CACNB2: variants seen among roughly 807,000 people sequenced by gnomAD.
CACNB2 encodes the protein voltage-dependent L-type calcium channel subunit beta-2.
Under a neutral mutation model 73.3 loss-of-function variants are expected in CACNB2, and 42 were observed. The observed-to-expected ratio is 0.57, with a 90% CI of 0.45 to 0.74. CACNB2 has a LOEUF of 0.74. CACNB2 is among the 30% of genes least tolerant of loss of function. The probability of loss-of-function intolerance (pLI) is 0.00; values close to 1 mark genes in which losing one functional copy is unlikely to be tolerated. For missense variants in CACNB2, 940 were observed against 853.0 expected, an observed-to-expected ratio of 1.10 and a Z score of -1.27; for synonymous variants, 348 against 310.3, an observed-to-expected ratio of 1.12 and a Z score of -1.28.
intron 3 of CACNB2, among the ~76,000 whole-genome samples, chr10:18,446,556 G>A (rs539569126): frequency 1.3e-5 from 2 of 152,148 alleles, no homozygotes; most frequent in African/African-American, 4.8e-5. Flanking sequence ...GTGATAAAGG[G>A]AGTGCTTTCT....
chr10:18,388,753 C>T (rs115667991), intron 2 of CACNB2, among the ~76,000 whole-genome samples: 1 of 152,164 alleles, frequency 6.6e-6, no homozygotes, highest in Non-Finnish European at 1.5e-5. Flanking sequence ...CATTTCTATA[C>T]ATTATACACA....
At chr10:18,258,253 G>A (rs2037367917) in intron 2 of CACNB2, among the ~76,000 whole-genome samples, 1 of 152,186 alleles carries the variant, frequency 6.6e-6, no homozygotes, top group Admixed American at 6.5e-5. Flanking sequence ...CTCTCATATT[G>A]TGTATAAAAA....
At chr10:18,236,742 C>A (rs528031363) in intron 2 of CACNB2, among the ~76,000 whole-genome samples, 1 of 152,318 alleles carries the variant, frequency 6.6e-6, no homozygotes, top group South Asian at 2.1e-4. Context: ...CTGCCACTCC[C>A]TGAAGCCATC....
chr10:18,208,334 A>G (rs908230818), intron 2 of CACNB2, among the ~76,000 whole-genome samples: 21 of 152,256 alleles, frequency 1.4e-4, no homozygotes, highest in African/African-American at 4.8e-4. Flanking sequence ...TAATTAGTGG[A>G]ATGTAGTGAT....
chr10:18,494,719 A>G (rs1047089128), intron 3 of CACNB2, among the ~76,000 whole-genome samples: 2 of 150,852 alleles, frequency 1.3e-5, no homozygotes, highest in African/African-American at 2.4e-5. Flanking sequence ...TCTTGGATCT[A>G]TACTTTTGTG....
chr10:18,175,073 C>T (rs1242784070), intron 2 of CACNB2, among the ~76,000 whole-genome samples: 6 of 152,108 alleles, frequency 3.9e-5, no homozygotes, highest in Admixed American at 6.6e-5. Context: ...ATGTGGCTGA[C>T]GAGAATTGAC....
At chr10:18,332,243 AGCTGGGGATATT>A (rs1292331593) in intron 2 of CACNB2, among the ~76,000 whole-genome samples, 1 of 152,160 alleles carries the variant, frequency 6.6e-6, no homozygotes, top group Non-Finnish European at 1.5e-5. Flanking sequence ...CCAAGAGATG[AGCTGGGGATATT>A]GCTAAAGGGA....
intron 2 of CACNB2, among the ~76,000 whole-genome samples, chr10:18,392,203 G>T (rs1420468080): frequency 2.0e-5 from 3 of 152,152 alleles, no homozygotes. Context: ...AGGTGGCAGG[G>T]AGAGGGTGTA....
intron 2 of CACNB2, among the ~76,000 whole-genome samples, chr10:18,207,039 C>G (rs1286321156): frequency 6.6e-6 from 1 of 152,138 alleles, no homozygotes; most frequent in Non-Finnish European, 1.5e-5. Flanking sequence ...GACAGAGTCT[C>G]ACTCTGTCAC....
At chr10:18,187,781 A>G (rs964618624) in intron 2 of CACNB2, among the ~76,000 whole-genome samples, 2 of 152,198 alleles carry the variant, frequency 1.3e-5, no homozygotes, top group Non-Finnish European at 2.9e-5. Context: ...TGTTTTCGAT[A>G]TGACACGCTC....
chr10:18,375,079 G>A (rs2042739796), intron 2 of CACNB2, among the ~76,000 whole-genome samples: 1 of 152,132 alleles, frequency 6.6e-6, no homozygotes, highest in Admixed American at 6.5e-5. Context: ...TTAGCCAAGA[G>A]TGGTGGCACA....
At chr10:18,452,433 A>G (rs1163599870) in intron 3 of CACNB2, among the ~76,000 whole-genome samples, 1 of 152,232 alleles carries the variant, frequency 6.6e-6, no homozygotes, top group Non-Finnish European at 1.5e-5. Context: ...GTCTCAAATA[A>G]TAATAAGTAG....
At chr10:18,339,898 G>C (rs1483351388) in intron 2 of CACNB2, among the ~76,000 whole-genome samples, 2 of 152,126 alleles carry the variant, frequency 1.3e-5, no homozygotes, top group Admixed American at 1.3e-4. Context: ...GTGGGCCATA[G>C]CTTGCCATCC....
chr10:18,347,798 T>G (rs1201819943), intron 2 of CACNB2, among the ~76,000 whole-genome samples: 1 of 152,196 alleles, frequency 6.6e-6, no homozygotes, highest in Non-Finnish European at 1.5e-5. Flanking sequence ...GAGCCTGAGA[T>G]CCTTTCTGTT....
chr10:18,178,128 C>T (rs899900751), intron 2 of CACNB2, among the ~76,000 whole-genome samples: 6 of 152,082 alleles, frequency 3.9e-5, no homozygotes, highest in Admixed American at 3.3e-4. Flanking sequence ...GCGGTTGCTA[C>T]TGAGGATATA....
chr10:18,273,914 C>A (rs1278165829), intron 2 of CACNB2, among the ~76,000 whole-genome samples: 1 of 152,078 alleles, frequency 6.6e-6, no homozygotes, highest in Non-Finnish European at 1.5e-5. Context: ...CAGTTCATAC[C>A]GTTTGTTTCT....
At chr10:18,230,038 T>C (rs1452804539) in intron 2 of CACNB2, among the ~76,000 whole-genome samples, 1 of 152,204 alleles carries the variant, frequency 6.6e-6, no homozygotes, top group Non-Finnish European at 1.5e-5. Context: ...TCTGAATCAC[T>C]CAGTGACCAA....
intron 2 of CACNB2, among the ~76,000 whole-genome samples, chr10:18,303,664 C>T (rs1312449144): frequency 2.0e-5 from 3 of 152,168 alleles, no homozygotes; most frequent in African/African-American, 7.2e-5. Flanking sequence ...TCATTTTCTG[C>T]TACTTTTTCA....
intron 3 of CACNB2, among the ~76,000 whole-genome samples, chr10:18,470,028 T>A (rs2048100004): frequency 6.6e-6 from 1 of 152,118 alleles, no homozygotes; most frequent in Admixed American, 6.6e-5. Context: ...ATAAATCCAC[T>A]TTGCAGTTAA....
Sources: allele counts gnomAD v4.1 joint callset (sites outside exome capture counted in the v4.1 genomes callset), GRCh38; gene constraint gnomAD v4.1.1; transcripts MANE v1.5; gene names NCBI Gene and HGNC (gene_info 2026-07-23, HGNC 2026-07-21).